RNF38: variants seen among roughly 807,000 people sequenced by gnomAD.
RNF38 encodes the protein E3 ubiquitin-protein ligase RNF38.
RNF38 carries 15 observed loss-of-function variants against 67.2 expected under a neutral mutation model. That is an observed-to-expected ratio of 0.22 (90% CI 0.15 to 0.34). RNF38 has a LOEUF of 0.34. Among genes scored for constraint, RNF38 ranks in the 10% least tolerant of loss-of-function variants. RNF38 has a pLI of 1.00. For synonymous variants in RNF38, 220 were observed against 218.8 expected (o/e 1.01, Z -0.05); for missense variants, 524 against 639.9 (o/e 0.82, Z 1.95).
intron 1 of RNF38, among the ~76,000 whole-genome samples, chr9:36,459,308 G>C (rs1366623619): frequency 6.6e-6 from 1 of 151,974 alleles, no homozygotes; most frequent in Non-Finnish European, 1.5e-5. Context: ...TAGGGTAAAG[G>C]GCCTTTCAGC....
intron 1 of RNF38, among the ~76,000 whole-genome samples, chr9:36,485,645 C>G (rs1840392578): frequency 6.6e-6 from 1 of 152,186 alleles, no homozygotes; most frequent in South Asian, 2.1e-4. Flanking sequence ...TCTAACCCAT[C>G]TTGTCTGAAT....
In RNF38 at chr9:36,336,524, T is replaced by C. The variant is rs1217660436; in HGVS notation, c.*3228A>G. 1 of 152,566 alleles carries C rather than the reference T, an allele frequency of 6.6e-6. No homozygotes were observed. The highest frequency in any genetic ancestry group is 2.4e-5 in the African/African-American group (1 of 41,434). 9.5% of individuals were successfully genotyped at this position (152,566 alleles called of 1,614,324 possible). A position where few individuals can be genotyped will look rare whatever the true frequency, so the allele number is the denominator to read the frequency against. ...CATTACTAGTAACTTTCATAAAAAA[T>C]GTACAAACTTTGTTAAAAATTTATC... On this transcript the variant is annotated 3_prime_UTR_variant, in exon 12 of 12. Transcript: ENST00000259605.
chr9:36,343,529 GA>G (rs1417910073), intron 10 of RNF38, among the ~76,000 whole-genome samples: 2 of 151,984 alleles, frequency 1.3e-5, no homozygotes, highest in African/African-American at 4.8e-5. Context: ...AGCCATCAGG[GA>G]AATGCAAATC....
intron 1 of RNF38, among the ~76,000 whole-genome samples, chr9:36,474,506 G>T (rs1359837912): frequency 6.7e-6 from 1 of 148,196 alleles, no homozygotes; most frequent in Admixed American, 6.7e-5. Context: ...GTAAGATGCA[G>T]TAAAGCATGA....
chr9:36,441,033 T>C (rs1034582034), intron 1 of RNF38, among the ~76,000 whole-genome samples: 8 of 152,176 alleles, frequency 5.3e-5, no homozygotes, highest in African/African-American at 1.7e-4. Flanking sequence ...AAGTTGAGCA[T>C]GGCTCCTTTA....
chr9:36,428,078 T>C (rs771941806), intron 1 of RNF38, among the ~76,000 whole-genome samples: 1 of 151,780 alleles, frequency 6.6e-6, no homozygotes, highest in African/African-American at 2.4e-5. Flanking sequence ...GACTATGGTA[T>C]TTGTTACAGC....
chr9:36,461,128 T>C (rs565685943), intron 1 of RNF38, among the ~76,000 whole-genome samples: 1 of 151,456 alleles, frequency 6.6e-6, no homozygotes, highest in South Asian at 2.1e-4. Flanking sequence ...GGCAGGAGAA[T>C]TGCTTGAACC....
In RNF38 at chr9:36,376,760, T is replaced by C. The variant is rs369999660; in HGVS notation, c.163-633A>G. 7.5e-4 allele frequency among the ~76,000 whole-genome samples: 114 copies of C among 152,072 alleles called. 2 individuals carry two copies. The South Asian group carries it at 0.022, about 29-fold the overall frequency. On this transcript the variant is annotated intron_variant, in intron 2 of 11. Coordinates refer to ENST00000259605, the MANE Select transcript of RNF38 (RefSeq NM_022781.5). ...GGCCAACATGGTGAAATCCCGTCTC[T>C]ACTAAAAACACAAAAATTAGCTGGG...
At chr9:36,446,198 G>GA (rs1317575207) in intron 1 of RNF38, among the ~76,000 whole-genome samples, 2 of 152,164 alleles carry the variant, frequency 1.3e-5, no homozygotes, top group African/African-American at 2.4e-5. Context: ...CCTCTGCTAA[G>GA]AATTCTGGCC....
chr9:36,455,801 C>T lies in RNF38; in HGVS notation n.242-31118G>A, dbSNP rs148569704. ...TACAGCACGTCTATAATCCCAGCTA[C>T]TCAGGAGGCTGAAGCAGGAGAATCG... On this transcript the variant is annotated intron_variant and non_coding_transcript_variant, in intron 1 of 3. Coordinates refer to the RNF38 transcript ENST00000488058. Among the ~76,000 whole-genome samples the T allele has an allele frequency of 7.2e-4, 107 of 148,868 alleles. 1 individual carries two copies. The East Asian group carries it at 0.013, about 18-fold the overall frequency.
rs1384890671 is a variant in RNF38, at chr9:36,348,263, T to TG, written c.1263+2851dup. ...GGCTCATGACTGTAATCCCAACACTTGGACTAGCCTTGGATGGCAAAACCT... is the reference window on the plus strand; with the variant it reads ...GGCTCATGACTGTAATCCCAACACTTGGGACTAGCCTTGGATGGCAAAACCT... On this transcript the variant is annotated intron_variant, in intron 9 of 11. Coordinates refer to ENST00000259605, the MANE Select transcript of RNF38 (RefSeq NM_022781.5). Among the ~76,000 whole-genome samples the TG allele has an allele frequency of 3.3e-5, 5 of 151,686 alleles. No individual in the cohort carries two copies. The East Asian group carries it at 5.8e-4, about 18-fold the overall frequency.
At chr9:36,430,145 A>C (rs1838895934) in intron 1 of RNF38, among the ~76,000 whole-genome samples, 5 of 152,216 alleles carry the variant, frequency 3.3e-5, no homozygotes, top group Admixed American at 3.3e-4. Context: ...AATTCCAGAA[A>C]TAGATAAGAC....
chr9:36,423,816 G>T (rs1450867353), intron 2 of RNF38, among the ~76,000 whole-genome samples: 2 of 89,064 alleles, frequency 2.2e-5, no homozygotes, highest in Non-Finnish European at 2.7e-5. Flanking sequence ...GGGCGTGGTG[G>T]CGGGCGCCTG....
At chr9:36,413,345 C>T (rs10814386) in intron 2 of RNF38, among the ~76,000 whole-genome samples, 6,317 of 152,160 alleles carry the variant, frequency 0.042, 235 homozygotes, top group East Asian at 0.12. Context: ...GAAACCGATG[C>T]GGCACCATGC....
At chr9:36,462,058 G>A (rs948470911) in intron 1 of RNF38, among the ~76,000 whole-genome samples, 2 of 152,190 alleles carry the variant, frequency 1.3e-5, no homozygotes, top group African/African-American at 2.4e-5. Context: ...AGGATTATGA[G>A]ATTACAGAAG....
intron 1 of RNF38, among the ~76,000 whole-genome samples, chr9:36,395,920 T>C (rs993719714): frequency 2.6e-5 from 4 of 152,218 alleles, no homozygotes; most frequent in Non-Finnish European, 4.4e-5. Flanking sequence ...ATTATTTAAA[T>C]GCTATGATCA....
intron 1 of RNF38, among the ~76,000 whole-genome samples, chr9:36,397,147 G>A (rs1382560407): frequency 6.7e-6 from 1 of 149,058 alleles, no homozygotes; most frequent in Non-Finnish European, 1.5e-5. Flanking sequence ...GTTGCCCAGG[G>A]TGGAGTGCAG....
intron 1 of RNF38, among the ~76,000 whole-genome samples, chr9:36,459,591 T>C (rs1418752298): frequency 6.6e-6 from 1 of 152,190 alleles, no homozygotes; most frequent in Admixed American, 6.5e-5. Context: ...TTTAACACCC[T>C]GGATATGTGA....
chr9:36,444,553 A>T (rs749497127), intron 1 of RNF38, among the ~76,000 whole-genome samples: 14 of 152,194 alleles, frequency 9.2e-5, no homozygotes, highest in African/African-American at 3.1e-4. Context: ...TAATCCCAGC[A>T]CTTTGGGAGG....
Sources: gnomAD v4.1 joint callset for allele counts (sites outside exome capture counted in the v4.1 genomes callset) on GRCh38, gnomAD v4.1.1 for gene constraint, MANE v1.5 for transcripts, NCBI Gene and HGNC (gene_info 2026-07-23, HGNC 2026-07-21) for gene names.